The following PEF1 variants were observed in gnomAD, a reference collection of about 807,000 sequenced individuals.
The protein encoded by PEF1 is penta-EF-hand domain containing 1, also known as peflin.
PEF1 carries 17 observed loss-of-function variants against 32.0 expected under a neutral mutation model. The observed-to-expected ratio is 0.53, with a 90% CI of 0.36 to 0.80. PEF1 has a LOEUF of 0.80. Among genes scored for constraint, PEF1 ranks in the 30% least tolerant of loss-of-function variants. PEF1 has a pLI of 0.00. For synonymous variants in PEF1, 130 were observed against 139.8 expected, an observed-to-expected ratio of 0.93 and a Z score of 0.50; for missense variants, 362 against 369.1, an observed-to-expected ratio of 0.98 and a Z score of 0.16.
chr1:31,633,509 T>G (rs1364895905), intron 2 of PEF1, among the ~76,000 whole-genome samples, 195 bp from the exon 3 acceptor site: 2 of 152,234 alleles, frequency 1.3e-5, no homozygotes, highest in African/African-American at 4.8e-5. Flanking sequence ...TTGATTTCTA[T>G]TCCATGAGTC....
chr1:31,637,796 G>A (rs962731831), intron 1 of PEF1, among the ~76,000 whole-genome samples: 4 of 152,140 alleles, frequency 2.6e-5, no homozygotes, highest in Non-Finnish European at 5.9e-5. Context: ...TACATTCTGA[G>A]GGGGCTCTGA....
intron 1 of PEF1, among the ~76,000 whole-genome samples, chr1:31,639,399 C>T (rs773104025): frequency 1.3e-5 from 2 of 152,250 alleles, no homozygotes; most frequent in Admixed American, 6.5e-5. Flanking sequence ...GCAGACACTG[C>T]GCCTCACTCA....
At chr1:31,644,657 G>T (rs1317745063) in intron 1 of PEF1, 184 bp downstream of exon 1, 3 of 1,445,716 alleles carry the variant, frequency 2.1e-6, no homozygotes, top group Non-Finnish European at 1.8e-6. Flanking sequence ...CGAATGTGCG[G>T]TCCTTCATGA....
chr1:31,640,921 T>C (rs1300834244), intron 1 of PEF1, among the ~76,000 whole-genome samples: 1 of 151,988 alleles, frequency 6.6e-6, no homozygotes, highest in East Asian at 1.9e-4. Context: ...ACCCTTCAAG[T>C]GCACAGGAGG....
intron 1 of PEF1, 129 bp downstream of exon 1, chr1:31,644,712 C>A (rs1640505883): frequency 6.4e-7 from 1 of 1,551,016 alleles, no homozygotes. Flanking sequence ...TTCTCTACAG[C>A]GCAAGGCCTC....
chr1:31,641,537 C>T (rs181019253), intron 1 of PEF1, among the ~76,000 whole-genome samples: 7 of 152,288 alleles, frequency 4.6e-5, no homozygotes, highest in Admixed American at 3.3e-4. Flanking sequence ...TACCCCTTTC[C>T]CCCACATCAC....
Position 31,644,554 on chromosome 1 carries a change from G to C in PEF1, c.24+287C>G, listed in dbSNP as rs1640499484. ...GCCCCCATGAGGGCCTTGGGAGGCT[G>C]TGGAGCCCAGGCCAGCGCCAGCCTG... On this transcript the variant is annotated intron_variant, in intron 1 of 4. Coordinates refer to ENST00000373703, the MANE Select transcript of PEF1 (RefSeq NM_012392.4). 5.0e-6 allele frequency: 7 copies of C among 1,398,320 alleles called. No homozygotes were observed. The East Asian group carries it at 1.9e-4, about 38-fold the overall frequency. The allele number at this position is 1,398,320 out of a possible 1,614,324, so 86.6% of individuals were successfully genotyped here.
At position 31,630,623 on chromosome 1, in the gene PEF1, C is replaced by T. The variant is rs1247207063; in HGVS notation, c.845G>A (p.Arg282Gln). The T allele has an allele frequency of 3.1e-6, 5 of 1,612,316 alleles. No homozygotes were observed. Among genetic ancestry groups the T allele is most frequent in the East Asian group, 2.2e-5 (1 of 44,892 alleles). ...CCACAGATGGTTGGGTCATAGCATCCGAGAAGCTGTCATGGTGACGAAGTC... is the reference window on the plus strand; with the variant it reads ...CCACAGATGGTTGGGTCATAGCATCTGAGAAGCTGTCATGGTGACGAAGTC... ...FEDFVTMTASRML is the reference protein window; with the variant it reads ...FEDFVTMTASQML The change falls in exon 5 of 5, where the codon CGG (arginine) becomes CAG (glutamine). Residue 282 changes from arginine to glutamine, a missense_variant. Arg to Gln is a conservative substitution (Grantham distance 43). Coordinates refer to ENST00000373703, the MANE Select transcript of PEF1 (RefSeq NM_012392.4).
At chr1:31,637,574 T>C (rs1446064157) in intron 1 of PEF1, among the ~76,000 whole-genome samples, 1 of 141,680 alleles carries the variant, frequency 7.1e-6, no homozygotes, top group African/African-American at 2.7e-5. Flanking sequence ...GAGCCTAAGT[T>C]GGAGGCTGCA....
chr1:31,630,724 G>A lies in PEF1; in HGVS notation c.744C>T (p.Thr248=). The change falls in exon 5 of 5, where the codon ACC becomes ACT. Residue 248 remains threonine, a synonymous_variant. Coordinates refer to ENST00000373703, the MANE Select transcript of PEF1 (RefSeq NM_012392.4). ...AGGCCTCTGTCAGCACCTGCAGCTGGGTGCACACCTGGATGAAGCGGTCAA... is the reference window on the plus strand; with the variant it reads ...AGGCCTCTGTCAGCACCTGCAGCTGAGTGCACACCTGGATGAAGCGGTCAA... ...MQLDRFIQVC[T]QLQVLTEAFR... is the part of the protein sequence containing the mutation. 6.2e-7 allele frequency: 1 copy of A among 1,614,140 alleles called. No homozygotes were observed. The highest frequency in any genetic ancestry group is 8.5e-7 in the Non-Finnish European group (1 of 1,180,038).
At position 31,630,696 on chromosome 1, in the gene PEF1, GGAA is replaced by G; in HGVS notation, c.769_771del (p.Phe257del). The G allele has an allele frequency of 6.2e-7, 1 of 1,614,042 alleles. No homozygotes were observed. Among genetic ancestry groups the G allele is most frequent in the South Asian group, 1.1e-5 (1 of 91,072 alleles). On this transcript the variant is annotated inframe_deletion, in exon 5 of 5. Transcript: ENST00000373703. Reference sequence around the variant, plus strand: ...CCTTGTACAGCTGTGTCCTTCTCCCGGAAGGCCTCTGTCAGCACCTGCAGCTGG... The same window carrying G: ...CCTTGTACAGCTGTGTCCTTCTCCCGGGCCTCTGTCAGCACCTGCAGCTGG...
chr1:31,639,107 T>C (rs1640328270), intron 1 of PEF1, among the ~76,000 whole-genome samples: 1 of 152,208 alleles, frequency 6.6e-6, no homozygotes, highest in Non-Finnish European at 1.5e-5. Flanking sequence ...AAATGGTCCT[T>C]GAAGGATGCA....
At chr1:31,632,042 T>A (rs1640119032) in intron 4 of PEF1, among the ~76,000 whole-genome samples, 1 of 152,162 alleles carries the variant, frequency 6.6e-6, no homozygotes. Flanking sequence ...ACTGCAACTT[T>A]TAGAGTGCTC....
At chr1:31,644,501 C>G in intron 1 of PEF1, 1 of 1,284,092 alleles carries the variant, frequency 7.8e-7, no homozygotes, top group Non-Finnish European at 9.9e-7. Flanking sequence ...CTCTAAACCT[C>G]CGGTCATGGC....
intron 1 of PEF1, among the ~76,000 whole-genome samples, chr1:31,639,979 T>C (rs1640354832): frequency 6.6e-6 from 1 of 152,212 alleles, no homozygotes; most frequent in South Asian, 2.1e-4. Flanking sequence ...CACGTTCTTT[T>C]ACACTACTCC....
intron 1 of PEF1, among the ~76,000 whole-genome samples, chr1:31,642,197 C>G (rs956455523): frequency 2.6e-5 from 4 of 152,206 alleles, no homozygotes; most frequent in African/African-American, 9.7e-5. Context: ...TGTGCCATTG[C>G]ACTCCAGCCT....
At chr1:31,631,650 G>A (rs941694380) in intron 4 of PEF1, among the ~76,000 whole-genome samples, 18 of 152,212 alleles carry the variant, frequency 1.2e-4, no homozygotes, top group Non-Finnish European at 2.4e-4. Context: ...CACATGGGAA[G>A]AATGAATTAC....
Position 31,630,777 on chromosome 1 carries a change from G to A in PEF1, c.691C>T (p.Pro231Ser), listed in dbSNP as rs1280341427. 1 of 1,613,878 alleles carries A rather than the reference G, an allele frequency of 6.2e-7. No homozygotes were observed. The highest frequency in any genetic ancestry group is 1.7e-5 in the Admixed American group (1 of 60,028). The change falls in exon 5 of 5, where the codon CCA becomes TCA. Residue 231 changes from proline (P) to serine (S), a missense_variant. By Grantham distance (74) the Pro-to-Ser change is moderately conservative. Transcript: ENST00000373703. ...FTQLLVSRYC[P>S]RSANPAMQLD... Reference sequence around the variant, plus strand: ...TGCATGGCAGGATTGGCAGAGCGTGGGCAGTAGCGGGAGACCAGAAGCTGG... The same window carrying A: ...TGCATGGCAGGATTGGCAGAGCGTGAGCAGTAGCGGGAGACCAGAAGCTGG...
intron 1 of PEF1, among the ~76,000 whole-genome samples, chr1:31,635,893 A>T (rs1640240984): frequency 6.6e-6 from 1 of 152,196 alleles, no homozygotes; most frequent in African/African-American, 2.4e-5. Context: ...CAAATGAATC[A>T]AACAGAATTC....
Sources: allele counts gnomAD v4.1 joint callset (sites outside exome capture counted in the v4.1 genomes callset), GRCh38; gene constraint gnomAD v4.1.1; transcripts MANE v1.5; gene names NCBI Gene and HGNC (gene_info 2026-07-23, HGNC 2026-07-21).